FSHR: variants seen among roughly 807,000 people sequenced by gnomAD.
FSHR encodes follicle stimulating hormone receptor.
Under a neutral mutation model 52.1 loss-of-function variants are expected in FSHR, and 46 were observed. That is an observed-to-expected ratio of 0.88 (90% confidence interval 0.70 to 1.13). The LOEUF is 1.13. FSHR is among the 50% of genes most tolerant of loss of function. The pLI is 0.00. For missense variants in FSHR, 964 were observed against 834.6 expected (o/e 1.16, Z -1.91); for synonymous variants, 399 against 309.6 (o/e 1.29, Z -3.03).
chr2:48,969,400 A>G (rs1484231043), intron 8 of FSHR, among the ~76,000 whole-genome samples: 1 of 152,244 alleles, frequency 6.6e-6, no homozygotes, highest in Non-Finnish European at 1.5e-5. Flanking sequence ...CACAAAGTCC[A>G]AGTGGCAGTA....
intron 8 of FSHR, among the ~76,000 whole-genome samples, chr2:48,973,909 C>T (rs989862430): frequency 6.6e-6 from 1 of 152,112 alleles, no homozygotes; most frequent in Non-Finnish European, 1.5e-5. Context: ...TGTTTGTCTC[C>T]TCAGCCAGAT....
chr2:49,021,882 T>G (rs62165293), intron 2 of FSHR, among the ~76,000 whole-genome samples: 89 of 43,888 alleles, frequency 2.0e-3, no homozygotes, highest in Non-Finnish European at 2.4e-3. Context: ...TATATATATA[T>G]ATATAGAGAG....
At chr2:49,038,673 C>A (rs1174856505) in intron 2 of FSHR, among the ~76,000 whole-genome samples, 1 of 141,044 alleles carries the variant, frequency 7.1e-6, no homozygotes, top group East Asian at 2.0e-4. Context: ...AATAATAATA[C>A]TGGTTTAGGG....
chr2:49,032,283 TG>T (rs1421622196), intron 2 of FSHR, among the ~76,000 whole-genome samples: 1 of 152,224 alleles, frequency 6.6e-6, no homozygotes, highest in Admixed American at 6.5e-5. Context: ...TCACACCAGC[TG>T]CACTTCTGTT....
At position 49,128,675 on chromosome 2, in the gene FSHR, A is replaced by G. The variant is rs1291580169; in HGVS notation, c.152+25591T>C. ...AGAATTGTCCAGGAAGGTGTTGAAT[A>G]GTCTTTTTTTTTTTTCTATAAAAAT... On this transcript the variant is annotated intron_variant, in intron 1 of 9. Coordinates refer to ENST00000406846, the MANE Select transcript of FSHR (RefSeq NM_000145.4). Among the ~76,000 whole-genome samples, 6 of 124,712 alleles carry G rather than the reference A, an allele frequency of 4.8e-5. No homozygotes were observed. In the East Asian group the frequency reaches 1.9e-3, roughly 40 times the overall value. 81.8% of individuals were successfully genotyped at this position (124,712 alleles called of 152,430 possible).
At chr2:49,110,570 A>C (rs1182710091) in intron 1 of FSHR, among the ~76,000 whole-genome samples, 1 of 152,166 alleles carries the variant, frequency 6.6e-6, no homozygotes, top group Non-Finnish European at 1.5e-5. Flanking sequence ...TGTCACCCTC[A>C]TCATGTTTTC....
chr2:49,068,665 A>G (rs1669607113), intron 1 of FSHR, among the ~76,000 whole-genome samples: 1 of 151,928 alleles, frequency 6.6e-6, no homozygotes, highest in South Asian at 2.1e-4. Flanking sequence ...CTTTATTGTC[A>G]TTCTCAGCTG....
chr2:49,013,494 ATATATAAATATATATATAT>A (rs1487576476), intron 4 of FSHR, among the ~76,000 whole-genome samples: 28 of 66,444 alleles, frequency 4.2e-4, no homozygotes, highest in African/African-American at 8.0e-4. Context: ...AAATATATAT[ATATATAAATATATATATAT>A]ATAAATATAT....
chr2:49,105,460 C>T (rs1430549095), intron 1 of FSHR, among the ~76,000 whole-genome samples: 1 of 151,830 alleles, frequency 6.6e-6, no homozygotes, highest in East Asian at 2.0e-4. Context: ...CTTAGAAAGT[C>T]AGGCCCCTCC....
intron 2 of FSHR, among the ~76,000 whole-genome samples, chr2:49,037,679 T>C (rs1668316377): frequency 6.6e-6 from 1 of 151,982 alleles, no homozygotes; most frequent in South Asian, 2.1e-4. Flanking sequence ...AATAATAGAA[T>C]AGCTATAAAC....
At chr2:49,018,249 T>C (rs1667560465) in intron 3 of FSHR, among the ~76,000 whole-genome samples, 1 of 152,194 alleles carries the variant, frequency 6.6e-6, no homozygotes, top group African/African-American at 2.4e-5. Flanking sequence ...ACTTCTGCCC[T>C]ATTTTGGCTT....
intron 2 of FSHR, among the ~76,000 whole-genome samples, chr2:49,063,000 C>A (rs557174605): frequency 1.3e-5 from 2 of 152,184 alleles, no homozygotes; most frequent in South Asian, 4.2e-4. Flanking sequence ...GTTAGTACAG[C>A]CATTATTTAA....
chr2:49,076,080 C>A (rs947946627), intron 1 of FSHR, among the ~76,000 whole-genome samples: 1 of 151,976 alleles, frequency 6.6e-6, no homozygotes, highest in South Asian at 2.1e-4. Context: ...ACAGCTGTCC[C>A]CTAAAAAAAT....
At chr2:48,968,115 T>A (rs954002211) in intron 9 of FSHR, among the ~76,000 whole-genome samples, 1 of 152,200 alleles carries the variant, frequency 6.6e-6, no homozygotes, top group Admixed American at 6.5e-5. Context: ...TTGTCTCTGT[T>A]TAGATGGCCC....
intron 1 of FSHR, among the ~76,000 whole-genome samples, chr2:49,072,986 A>AT (rs1252569220): frequency 6.6e-6 from 1 of 152,146 alleles, no homozygotes; most frequent in Non-Finnish European, 1.5e-5. Flanking sequence ...TTCAAAAGGT[A>AT]TGTGCACATT....
At chr2:49,047,922 A>G (rs1668717597) in intron 2 of FSHR, among the ~76,000 whole-genome samples, 1 of 152,204 alleles carries the variant, frequency 6.6e-6, no homozygotes, top group African/African-American at 2.4e-5. Flanking sequence ...TTTGTTGTCC[A>G]GGCTGGAGTG....
At chr2:49,131,354 G>A (rs1672254986) in intron 1 of FSHR, among the ~76,000 whole-genome samples, 1 of 152,130 alleles carries the variant, frequency 6.6e-6, no homozygotes, top group Non-Finnish European at 1.5e-5. Flanking sequence ...GTTTAAGTAA[G>A]TCAGAAACAT....
intron 1 of FSHR, among the ~76,000 whole-genome samples, chr2:49,124,342 G>T (rs1322494897): frequency 1.3e-5 from 2 of 151,640 alleles, no homozygotes; most frequent in Admixed American, 6.6e-5. Flanking sequence ...TAAGGGCAAG[G>T]GATGGGCAAA....
intron 1 of FSHR, among the ~76,000 whole-genome samples, chr2:49,092,257 A>G (rs146369166): frequency 2.1e-4 from 32 of 152,330 alleles, no homozygotes; most frequent in African/African-American, 7.0e-4. Flanking sequence ...TAGTTATAAG[A>G]GCGTTTTTTT....
Sources: allele counts gnomAD v4.1 joint callset (sites outside exome capture counted in the v4.1 genomes callset), GRCh38; gene constraint gnomAD v4.1.1; transcripts MANE v1.5; gene names NCBI Gene and HGNC (gene_info 2026-07-23, HGNC 2026-07-21).